TMEFF2: variants seen among roughly 807,000 people sequenced by gnomAD.
The protein encoded by TMEFF2 is tomoregulin-2.
Under a neutral mutation model 53.8 loss-of-function variants are expected in TMEFF2, and 28 were observed. The observed-to-expected ratio is 0.52, with a 90% confidence interval of 0.39 to 0.71. The LOEUF is 0.71. Among genes scored for constraint, TMEFF2 ranks in the 30% least tolerant of loss-of-function variants. The pLI, the probability that TMEFF2 is intolerant of heterozygous loss-of-function variation, is 0.00. For synonymous variants in TMEFF2, 162 were observed against 166.3 expected (o/e 0.97, Z 0.20); for missense variants, 353 against 455.2 (o/e 0.78, Z 2.04).
At chr2:192,109,561 TAGATA>T (rs1689227570) in intron 4 of TMEFF2, among the ~76,000 whole-genome samples, 1 of 152,094 alleles carries the variant, frequency 6.6e-6, no homozygotes, top group Admixed American at 6.6e-5. Flanking sequence ...ATCTCTGTTA[TAGATA>T]AGATAAAAAT....
intron 5 of TMEFF2, chr2:192,032,521 CG>C (rs1687165666): frequency 1.3e-5 from 2 of 152,126 alleles, no homozygotes. Context: ...GGGAAAGAGA[CG>C]GAAGTGTATA....
At chr2:192,012,583 CT>C (rs1686654913) in intron 5 of TMEFF2, among the ~76,000 whole-genome samples, 1 of 152,162 alleles carries the variant, frequency 6.6e-6, no homozygotes, top group Admixed American at 6.5e-5. Flanking sequence ...TTATGTTTTC[CT>C]TGATAAAATG....
At chr2:192,055,223 C>A (rs552729482) in intron 5 of TMEFF2, among the ~76,000 whole-genome samples, 2 of 152,002 alleles carry the variant, frequency 1.3e-5, no homozygotes, top group South Asian at 4.2e-4. Context: ...ACAGAAGAGC[C>A]CTAAAGCATT....
chr2:192,167,985 A>G (rs1412805380), intron 4 of TMEFF2, among the ~76,000 whole-genome samples: 2 of 152,126 alleles, frequency 1.3e-5, no homozygotes, highest in Non-Finnish European at 2.9e-5. Flanking sequence ...CACATAGCAC[A>G]CGCCAGACAC....
intron 4 of TMEFF2, among the ~76,000 whole-genome samples, chr2:192,111,567 A>C (rs1689276504): frequency 6.6e-6 from 1 of 152,214 alleles, no homozygotes; most frequent in Non-Finnish European, 1.5e-5. Flanking sequence ...AAAAGTTTGG[A>C]AAATTTGCAG....
chr2:192,100,572 A>C (rs1689010453), intron 4 of TMEFF2, among the ~76,000 whole-genome samples: 1 of 152,172 alleles, frequency 6.6e-6, no homozygotes, highest in African/African-American at 2.4e-5. Context: ...GGGAAAACAC[A>C]CACTAATATT....
At chr2:192,151,072 A>G (rs1026604708) in intron 4 of TMEFF2, among the ~76,000 whole-genome samples, 2 of 151,772 alleles carry the variant, frequency 1.3e-5, no homozygotes, top group Admixed American at 6.6e-5. Flanking sequence ...GTGAGTTCTC[A>G]TAAGATCTGA....
In TMEFF2 at chr2:191,949,229, A is replaced by C. The variant is rs115170322; in HGVS notation, c.*1082T>G. On this transcript the variant is annotated 3_prime_UTR_variant, in exon 10 of 10. Transcript: ENST00000272771. ...ACAAATCAAACAAAAATCCATACCAACTTCCCAGTGAGGTCTTTCAGATGC... is the reference window on the plus strand; with the variant it reads ...ACAAATCAAACAAAAATCCATACCACCTTCCCAGTGAGGTCTTTCAGATGC... The C allele has an allele frequency of 1.1e-5, 11 of 985,164 alleles. No homozygotes were observed. The highest frequency in any genetic ancestry group is 5.2e-4 in the Middle Eastern group (1 of 1,936). 61.0% of individuals were successfully genotyped at this position (985,164 alleles called of 1,614,324 possible). A position where few individuals can be genotyped will look rare whatever the true frequency, so the allele number is the denominator to read the frequency against.
At chr2:192,099,188 C>A (rs80270637) in intron 4 of TMEFF2, among the ~76,000 whole-genome samples, 4,680 of 152,094 alleles carry the variant, frequency 0.031, 242 homozygotes, top group African/African-American at 0.11. Flanking sequence ...CCATTTCAAT[C>A]TTTATAGTAA....
intron 4 of TMEFF2, among the ~76,000 whole-genome samples, chr2:192,063,930 T>C (rs953532946): frequency 1.3e-5 from 2 of 151,770 alleles, no homozygotes; most frequent in Admixed American, 1.3e-4. Flanking sequence ...CTTTGTTCCT[T>C]AAGTTTAAAA....
intron 5 of TMEFF2, among the ~76,000 whole-genome samples, chr2:192,053,809 A>C (rs539812318): frequency 6.6e-6 from 1 of 152,162 alleles, no homozygotes; most frequent in East Asian, 1.9e-4. Context: ...AGCCTCTTTC[A>C]TTCTATGCCT....
rs1166007082 is a variant in TMEFF2 at position 192,173,883 on chromosome 2, G to T, written c.439+5785C>A. Among the ~76,000 whole-genome samples, 4 of 151,728 alleles carry T rather than the reference G, an allele frequency of 2.6e-5. No individual in the cohort carries two copies. In the East Asian group the frequency reaches 7.7e-4, roughly 29 times the overall value. On this transcript the variant is annotated intron_variant, in intron 4 of 9. Transcript: ENST00000272771. Reference sequence around the variant, plus strand: ...TTCAAAATTCTAATTAAACCCTTCGGAGAAATTATATTCTTATAGTATATG... The same window carrying T: ...TTCAAAATTCTAATTAAACCCTTCGTAGAAATTATATTCTTATAGTATATG...
chr2:191,973,446 T>C (rs1028714248), intron 7 of TMEFF2, among the ~76,000 whole-genome samples: 6 of 152,122 alleles, frequency 3.9e-5, no homozygotes, highest in African/African-American at 1.4e-4. Flanking sequence ...CGCACATGCA[T>C]ATATACACAT....
chr2:192,084,464 G>A (rs1189398533), intron 4 of TMEFF2, among the ~76,000 whole-genome samples: 1 of 152,042 alleles, frequency 6.6e-6, no homozygotes, highest in African/African-American at 2.4e-5. Flanking sequence ...TAAAAAAAAG[G>A]GCAAGTATTC....
intron 4 of TMEFF2, among the ~76,000 whole-genome samples, chr2:192,076,323 CAG>C (rs1688431266): frequency 2.6e-5 from 4 of 152,036 alleles, no homozygotes; most frequent in Non-Finnish European, 5.9e-5. Context: ...CTATTATTAA[CAG>C]AGGTTTTAGA....
At chr2:192,077,116 A>G (rs1171938976) in intron 4 of TMEFF2, among the ~76,000 whole-genome samples, 4 of 152,190 alleles carry the variant, frequency 2.6e-5, no homozygotes, top group African/African-American at 9.7e-5. Flanking sequence ...AGGCAGCTAG[A>G]TGGCAGATCA....
intron 4 of TMEFF2, among the ~76,000 whole-genome samples, chr2:192,085,569 C>T (rs1001054097): frequency 4.7e-4 from 71 of 152,050 alleles, no homozygotes; most frequent in African/African-American, 1.5e-3. Context: ...AGGGTGCAAA[C>T]CTCAAAACAG....
At chr2:191,974,506 A>G (rs1291944455) in intron 7 of TMEFF2, among the ~76,000 whole-genome samples, 1 of 152,086 alleles carries the variant, frequency 6.6e-6, no homozygotes, top group Non-Finnish European at 1.5e-5. Context: ...CATTGATTTG[A>G]GAATAGTAGA....
At chr2:191,964,341 TTTCTTTCTTTC>T (rs1692375056) in intron 7 of TMEFF2, among the ~76,000 whole-genome samples, 1 of 47,208 alleles carries the variant, frequency 2.1e-5, no homozygotes, top group Non-Finnish European at 4.5e-5. Flanking sequence ...TCCTTCTTTC[TTTCTTTCTTTC>T]TTTCTTTCTT....
Sources: allele counts gnomAD v4.1 joint callset (sites outside exome capture counted in the v4.1 genomes callset), GRCh38; gene constraint gnomAD v4.1.1; transcripts MANE v1.5; gene names NCBI Gene and HGNC (gene_info 2026-07-23, HGNC 2026-07-21).